GIGYF2: variants seen among roughly 807,000 people sequenced by gnomAD.
GIGYF2 encodes GRB10-interacting GYF protein 2.
Under a neutral mutation model 208.1 loss-of-function variants are expected in GIGYF2, and 25 were observed. The ratio of observed to expected loss-of-function variants is 0.12; its 90% CI spans 0.09 to 0.17. GIGYF2 has a LOEUF of 0.17. Among genes scored for constraint, GIGYF2 ranks in the 10% least tolerant of loss-of-function variants. GIGYF2 has a pLI of 1.00. For missense variants in GIGYF2, 1,302 were observed against 1,579.4 expected, an observed-to-expected ratio of 0.82 and a Z score of 2.98; for synonymous variants, 534 against 543.8, an observed-to-expected ratio of 0.98 and a Z score of 0.25.
intron 8 of GIGYF2, among the ~76,000 whole-genome samples, chr2:232,770,587 C>T (rs1405124428): frequency 7.1e-6 from 1 of 140,106 alleles, no homozygotes; most frequent in Admixed American, 7.2e-5. Flanking sequence ...CAGTGAAAAC[C>T]TCCTTTTAAA....
intron 1 of GIGYF2, among the ~76,000 whole-genome samples, chr2:232,700,884 T>C (rs1010448907): frequency 6.6e-6 from 1 of 152,222 alleles, no homozygotes; most frequent in African/African-American, 2.4e-5. Flanking sequence ...TCCTAGAGTT[T>C]CCATTCATTT....
In GIGYF2 at chr2:232,833,045, C is replaced by T; in HGVS notation, c.2718C>T (p.Leu906=). Residue 906 remains leucine, a synonymous_variant, in exon 22 of 29, where the codon CTC becomes CTT. Coordinates refer to ENST00000373563, the MANE Select transcript of GIGYF2 (RefSeq NM_001103146.3). ...AGAGGCAGCAGCAGCAAGAGGCTCT[C>T]CGGAGGTTGCAGCAGCAGCAGCAGC... ...MRQRQQQQEA[L]RRLQQQQQQQ... The T allele has an allele frequency of 1.3e-6, 2 of 1,557,606 alleles. No individual in the cohort carries two copies. Among genetic ancestry groups the T allele is most frequent in the Non-Finnish European group, 1.7e-6 (2 of 1,150,388 alleles).
At chr2:232,836,045 GA>G (rs1032070157) in intron 22 of GIGYF2, among the ~76,000 whole-genome samples, 2 of 150,660 alleles carry the variant, frequency 1.3e-5, no homozygotes, top group South Asian at 4.2e-4. Flanking sequence ...AATGATCTAG[GA>G]AAAAAAACCT....
intron 26 of GIGYF2, 58 bp from the exon 27 acceptor site, chr2:232,847,290 G>C: frequency 5.7e-6 from 9 of 1,577,102 alleles, no homozygotes; most frequent in Admixed American, 1.7e-5. Context: ...ACTGATTTTT[G>C]TAAGTTCTCT....
intron 8 of GIGYF2, among the ~76,000 whole-genome samples, chr2:232,762,592 A>G (rs1217702749): frequency 7.2e-5 from 11 of 152,186 alleles, no homozygotes; most frequent in Admixed American, 7.2e-4. Context: ...ATATGTAAAT[A>G]CCATTCACAG....
Position 232,756,210 on chromosome 2 carries a change from TTTTTTTTG to T in GIGYF2, c.268-12_268-5del. The T allele has an allele frequency of 7.9e-7, 1 of 1,265,782 alleles. No homozygotes were observed. The highest frequency in any genetic ancestry group is 1.1e-6 in the Non-Finnish European group (1 of 918,454). 78.4% of individuals were successfully genotyped at this position (1,265,782 alleles called of 1,614,324 possible). A position where few individuals can be genotyped will look rare whatever the true frequency, so the allele number is the denominator to read the frequency against. The stretch of plus-strand genomic sequence containing the variant: ...TTTCCTTTTTCTCTTTTTTTTTTTT[TTTTTTTTG>T]GCAGAGAAACTTTTCCATGTCTGTA... On this transcript the variant is annotated splice_region_variant and splice_polypyrimidine_tract_variant and intron_variant, in intron 5 of 28. Coordinates refer to ENST00000373563, the MANE Select transcript of GIGYF2 (RefSeq NM_001103146.3).
chr2:232,745,410 A>G (rs751683407), intron 3 of GIGYF2, among the ~76,000 whole-genome samples: 15 of 152,150 alleles, frequency 9.9e-5, no homozygotes, highest in Non-Finnish European at 1.8e-4. Context: ...GGTCATGTCA[A>G]AAGGACCCAG....
chr2:232,735,049 CTAGTT>C, intron 2 of GIGYF2, 101 bp from the exon 3 acceptor site: 1 of 644,048 alleles, frequency 1.6e-6, no homozygotes, highest in South Asian at 1.9e-5. Context: ...TTTTGTGACT[CTAGTT>C]GAGAGGAGCA....
intron 5 of GIGYF2, among the ~76,000 whole-genome samples, chr2:232,752,166 T>C (rs945057738): frequency 6.6e-6 from 1 of 152,126 alleles, no homozygotes; most frequent in African/African-American, 2.4e-5. Flanking sequence ...ACCAAATATG[T>C]TGGAATAGGA....
intron 3 of GIGYF2, among the ~76,000 whole-genome samples, chr2:232,741,872 ATTC>A (rs1298865395): frequency 6.6e-6 from 1 of 152,176 alleles, no homozygotes; most frequent in Non-Finnish European, 1.5e-5. Context: ...ACTTTATTAT[ATTC>A]TTCTACTAGC....
At chr2:232,789,719 T>G (rs545318798) in intron 9 of GIGYF2, among the ~76,000 whole-genome samples, 23 of 152,338 alleles carry the variant, frequency 1.5e-4, no homozygotes, top group Non-Finnish European at 1.2e-4. Flanking sequence ...TTTCTTTTTC[T>G]TATCCCCCAC....
chr2:232,855,465 A>C (rs2106437585), intron 28 of GIGYF2, among the ~76,000 whole-genome samples: 1 of 152,302 alleles, frequency 6.6e-6, no homozygotes, highest in South Asian at 2.1e-4. Flanking sequence ...TTGGTTAATC[A>C]AACATTGCTA....
chr2:232,759,797 G>A (rs1203098183), intron 6 of GIGYF2, among the ~76,000 whole-genome samples: 1 of 151,726 alleles, frequency 6.6e-6, no homozygotes, highest in African/African-American at 2.4e-5. Context: ...TAACCAAATT[G>A]CCTTCAGTAA....
At chr2:232,850,613 TATATTGTATGGTGCTTTAAA>T (rs1690274519) in intron 28 of GIGYF2, among the ~76,000 whole-genome samples, 1 of 152,232 alleles carries the variant, frequency 6.6e-6, no homozygotes, top group Admixed American at 6.5e-5. Context: ...AATAACAACT[TATATTGTATGGTGCTTTAAA>T]GTATTGTTTG....
chr2:232,784,387 T>TTTC (rs1699833680), intron 8 of GIGYF2, among the ~76,000 whole-genome samples: 2 of 19,226 alleles, frequency 1.0e-4, no homozygotes, highest in African/African-American at 5.3e-4. Flanking sequence ...AAATAATTTC[T>TTTC]TTTTTTTTTT....
intron 22 of GIGYF2, among the ~76,000 whole-genome samples, chr2:232,833,718 T>C (rs947912079): frequency 6.6e-6 from 1 of 152,110 alleles, no homozygotes; most frequent in Non-Finnish European, 1.5e-5. Context: ...AGGCAGTTGC[T>C]CCCAGAGAGC....
At chr2:232,779,792 A>G (rs78778614) in intron 8 of GIGYF2, among the ~76,000 whole-genome samples, 1 of 152,184 alleles carries the variant, frequency 6.6e-6, no homozygotes, top group South Asian at 2.1e-4. Context: ...TTTATTCCTC[A>G]GGGAGAAAGT....
chr2:232,780,023 A>G (rs1339017041), intron 8 of GIGYF2, among the ~76,000 whole-genome samples: 2 of 152,212 alleles, frequency 1.3e-5, no homozygotes, highest in Non-Finnish European at 2.9e-5. Flanking sequence ...CACATAAACA[A>G]GCTTCAAAGT....
intron 8 of GIGYF2, chr2:232,764,355 T>C (rs1333938490): frequency 1.3e-5 from 2 of 152,174 alleles, no homozygotes; most frequent in Non-Finnish European, 2.9e-5. Context: ...CCTCAGTGAG[T>C]CAGGTGATAG....
Sources: gnomAD v4.1 joint callset for allele counts (sites outside exome capture counted in the v4.1 genomes callset) on GRCh38, gnomAD v4.1.1 for gene constraint, MANE v1.5 for transcripts, NCBI Gene and HGNC (gene_info 2026-07-23, HGNC 2026-07-21) for gene names.